ARHGEF3: variants seen among roughly 807,000 people sequenced by gnomAD.
ARHGEF3 encodes the protein 59.8 kDA protein.
A neutral mutation model predicts 63.2 loss-of-function variants in ARHGEF3; 28 were observed. The ratio of observed to expected loss-of-function variants is 0.44; its 90% CI spans 0.33 to 0.61. ARHGEF3 has a LOEUF of 0.61. Among genes scored for constraint, ARHGEF3 ranks in the 20% least tolerant of loss-of-function variants. The probability of loss-of-function intolerance (pLI) is 0.03; values close to 1 mark genes in which losing one functional copy is unlikely to be tolerated. For synonymous variants in ARHGEF3, 266 were observed against 254.2 expected (o/e 1.05, Z -0.44); for missense variants, 533 against 659.3 (o/e 0.81, Z 2.10).
intron 3 of ARHGEF3, among the ~76,000 whole-genome samples, chr3:56,945,842 C>G (rs977850268): frequency 6.6e-6 from 1 of 152,166 alleles, no homozygotes; most frequent in South Asian, 2.1e-4. Context: ...CAAGTGGGTC[C>G]CTGACCCCCG....
intron 2 of ARHGEF3, among the ~76,000 whole-genome samples, chr3:56,985,435 T>A (rs1278127075): frequency 6.6e-6 from 1 of 152,234 alleles, no homozygotes; most frequent in East Asian, 1.9e-4. Context: ...TCTTTAAAAA[T>A]CACTGCTGCT....
intron 4 of ARHGEF3, among the ~76,000 whole-genome samples, chr3:56,821,736 G>A (rs2038500982): frequency 6.6e-6 from 1 of 152,126 alleles, no homozygotes; most frequent in Non-Finnish European, 1.5e-5. Flanking sequence ...GGCCGAGGTG[G>A]GTGGATCACC....
intron 1 of ARHGEF3, among the ~76,000 whole-genome samples, chr3:56,794,623 G>A (rs1021419623): frequency 2.6e-5 from 4 of 151,960 alleles, no homozygotes; most frequent in Admixed American, 6.6e-5. Flanking sequence ...GTATCCAAGG[G>A]TGATTGGTTC....
chr3:56,823,212 A>G (rs1306973767), intron 4 of ARHGEF3, among the ~76,000 whole-genome samples: 1 of 152,208 alleles, frequency 6.6e-6, no homozygotes. Flanking sequence ...GTTACAATAT[A>G]AATGTATGTC....
At chr3:56,932,130 T>C (rs1018393275) in intron 3 of ARHGEF3, among the ~76,000 whole-genome samples, 2 of 152,228 alleles carry the variant, frequency 1.3e-5, no homozygotes, top group African/African-American at 4.8e-5. Flanking sequence ...CTTAGATTCA[T>C]TTCTGTTGCC....
chr3:56,964,532 C>T (rs115566122), intron 2 of ARHGEF3, among the ~76,000 whole-genome samples: 261 of 152,244 alleles, frequency 1.7e-3, no homozygotes, highest in African/African-American at 5.9e-3. Flanking sequence ...AATTTGTTCA[C>T]CAATATTATT....
At chr3:56,860,628 C>T (rs1560000183) in intron 4 of ARHGEF3, among the ~76,000 whole-genome samples, 2 of 152,138 alleles carry the variant, frequency 1.3e-5, no homozygotes, top group Non-Finnish European at 2.9e-5. Flanking sequence ...GCTGATATTG[C>T]TGTGGTTTTT....
chr3:56,883,838 G>T (rs1320503398), intron 3 of ARHGEF3, among the ~76,000 whole-genome samples: 2 of 152,180 alleles, frequency 1.3e-5, no homozygotes, highest in African/African-American at 2.4e-5. Context: ...AGTCCCAAAA[G>T]AAGTCAGCCT....
At chr3:56,982,823 C>G (rs1434593675) in intron 2 of ARHGEF3, among the ~76,000 whole-genome samples, 1 of 152,114 alleles carries the variant, frequency 6.6e-6, no homozygotes, top group Non-Finnish European at 1.5e-5. Context: ...CCTTCCTCCT[C>G]TTTCTGGATA....
chr3:56,924,427 A>G (rs891471167), intron 3 of ARHGEF3, among the ~76,000 whole-genome samples: 3 of 152,242 alleles, frequency 2.0e-5, no homozygotes, highest in Admixed American at 1.3e-4. Context: ...CCAGACCCCA[A>G]GATAGGGTTC....
chr3:56,744,211 C>T (rs574758922), intron 7 of ARHGEF3, among the ~76,000 whole-genome samples: 7 of 152,150 alleles, frequency 4.6e-5, no homozygotes, highest in Admixed American at 6.5e-5. Context: ...TCAGGCCACC[C>T]GCTCCCCGTG....
chr3:56,946,471 G>A (rs923776599), intron 3 of ARHGEF3, among the ~76,000 whole-genome samples: 3 of 152,190 alleles, frequency 2.0e-5, no homozygotes, highest in East Asian at 1.9e-4. Flanking sequence ...TGAGAACTAC[G>A]TGATGAATGC....
At chr3:56,934,130 G>A (rs1392005491) in intron 3 of ARHGEF3, among the ~76,000 whole-genome samples, 1 of 152,184 alleles carries the variant, frequency 6.6e-6, no homozygotes, top group East Asian at 1.9e-4. Flanking sequence ...CTTTACAGCA[G>A]TGTGAAAATG....
At chr3:56,954,204 G>A (rs1349258661) in intron 3 of ARHGEF3, among the ~76,000 whole-genome samples, 1 of 152,156 alleles carries the variant, frequency 6.6e-6, no homozygotes, top group African/African-American at 2.4e-5. Flanking sequence ...GCCTTTCACA[G>A]CAGGTCCTGG....
chr3:56,820,662 T>C (rs892079904), intron 4 of ARHGEF3, among the ~76,000 whole-genome samples: 1 of 151,786 alleles, frequency 6.6e-6, no homozygotes, highest in Non-Finnish European at 1.5e-5. Flanking sequence ...AACAAAGGAA[T>C]GAGTGGACCA....
chr3:57,070,989 AAAGAAAG>A (rs1705867030), intron 1 of ARHGEF3, among the ~76,000 whole-genome samples: 1 of 123,690 alleles, frequency 8.1e-6, no homozygotes, highest in East Asian at 4.5e-4. Flanking sequence ...AAAAAAAAAG[AAAGAAAG>A]AAAGAAAAAA....
chr3:57,024,115 C>A (rs991385866), intron 2 of ARHGEF3, among the ~76,000 whole-genome samples: 10 of 152,164 alleles, frequency 6.6e-5, no homozygotes, highest in African/African-American at 2.4e-4. Flanking sequence ...TACATGCTTA[C>A]ACTTGCATAC....
chr3:56,973,922 C>T (rs1701024723), intron 2 of ARHGEF3, among the ~76,000 whole-genome samples: 1 of 152,088 alleles, frequency 6.6e-6, no homozygotes, highest in Non-Finnish European at 1.5e-5. Context: ...CCTGTCTCTA[C>T]AAAAAATAAA....
At chr3:56,793,073 A>C (rs1277878973) in intron 1 of ARHGEF3, among the ~76,000 whole-genome samples, 2 of 151,760 alleles carry the variant, frequency 1.3e-5, no homozygotes, top group African/African-American at 4.8e-5. Flanking sequence ...GTGCGATCTC[A>C]GCTCACTGCT....
Sources: allele counts gnomAD v4.1 joint callset (sites outside exome capture counted in the v4.1 genomes callset), GRCh38; gene constraint gnomAD v4.1.1; transcripts MANE v1.5; gene names NCBI Gene and HGNC (gene_info 2026-07-23, HGNC 2026-07-21).